LRBA: variants seen among roughly 807,000 people sequenced by gnomAD.
LRBA encodes the protein lipopolysaccharide-responsive and beige-like anchor protein.
LRBA carries 176 observed loss-of-function variants against 330.0 expected under a neutral mutation model. The ratio of observed to expected loss-of-function variants is 0.53; its 90% CI spans 0.47 to 0.60. The LOEUF is 0.60. LRBA is among the 20% of genes least tolerant of loss of function. LRBA has a pLI of 0.00. For missense variants in LRBA, 3,259 were observed against 3,444.8 expected (o/e 0.95, Z 1.35); for synonymous variants, 1,230 against 1,193.0 (o/e 1.03, Z -0.64).
At chr4:150,901,869 T>C (rs1171826389) in intron 13 of LRBA, among the ~76,000 whole-genome samples, 1 of 152,212 alleles carries the variant, frequency 6.6e-6, no homozygotes, top group East Asian at 1.9e-4. Context: ...AATCCACTTG[T>C]CATTGAGACA....
chr4:150,499,419 G>A (rs1054389262), intron 40 of LRBA, among the ~76,000 whole-genome samples: 2 of 152,076 alleles, frequency 1.3e-5, no homozygotes, highest in South Asian at 4.2e-4. Context: ...GAGGCAGGAG[G>A]ATCACTTGAG....
intron 17 of LRBA, among the ~76,000 whole-genome samples, chr4:150,888,747 G>A (rs1315479957): frequency 6.6e-6 from 1 of 151,966 alleles, no homozygotes; most frequent in Non-Finnish European, 1.5e-5. Flanking sequence ...GGGATAAATA[G>A]AAAACAAATA....
At chr4:150,424,627 A>G (rs1278153734) in intron 46 of LRBA, among the ~76,000 whole-genome samples, 2 of 146,776 alleles carry the variant, frequency 1.4e-5, no homozygotes, top group Non-Finnish European at 3.0e-5. Context: ...GCGTGCACAC[A>G]CGCACACACA....
chr4:150,573,779 C>A (rs1770184057), intron 40 of LRBA, among the ~76,000 whole-genome samples: 1 of 152,142 alleles, frequency 6.6e-6, no homozygotes, highest in African/African-American at 2.4e-5. Context: ...CTTGTCAGAT[C>A]TTCTGATGAA....
chr4:151,009,668 T>C (rs995811930), intron 2 of LRBA, among the ~76,000 whole-genome samples: 1 of 151,400 alleles, frequency 6.6e-6, no homozygotes, highest in African/African-American at 2.4e-5. Flanking sequence ...TGAGCTATGA[T>C]CAAGCCACTG....
At chr4:150,327,608 T>G in intron 48 of LRBA, among the ~76,000 whole-genome samples, 1 of 152,222 alleles carries the variant, frequency 6.6e-6, no homozygotes, top group East Asian at 1.9e-4. Flanking sequence ...ACTGTGACAC[T>G]TATCTGCTGT....
intron 40 of LRBA, chr4:150,581,531 T>C (rs1771332107): frequency 4.6e-6 from 1 of 218,778 alleles, no homozygotes; most frequent in African/African-American, 2.4e-5. Context: ...CTACACAATG[T>C]TGATAGAATC....
At position 150,908,762 on chromosome 4, in the gene LRBA, G is replaced by T; in HGVS notation, c.1257C>A (p.Phe419Leu). Residue 419 changes from phenylalanine to leucine, a missense_variant, in exon 10 of 57, where the codon TTC becomes TTA. Physicochemically the swap from Phe to Leu is conservative, Grantham distance 22 (BLOSUM62 0). Coordinates refer to ENST00000651943, the MANE Select transcript of LRBA (RefSeq NM_001364905.1). ...YDGKLSSAIA[F>L]TYNPRATDAQ... ...CATCTGTAGCCCGTGGATTGTACGT[G>T]AATGCAATGGCACTAGAGAGTTTCC... The T allele has an allele frequency of 6.2e-7, 1 of 1,613,620 alleles. No individual in the cohort carries two copies. Among genetic ancestry groups the T allele is most frequent in the Non-Finnish European group, 8.5e-7 (1 of 1,179,552 alleles).
chr4:150,852,059 G>T lies in LRBA; in HGVS notation c.3651C>A (p.Asn1217Lys). Residue 1217 changes from asparagine (N) to lysine (K), a missense_variant, in exon 23 of 57, where the codon AAC becomes AAA. By Grantham distance (94) the Asn-to-Lys change is moderately conservative (BLOSUM62 0). Coordinates refer to ENST00000651943, the MANE Select transcript of LRBA (RefSeq NM_001364905.1). The part of the protein sequence containing the change: ...QMLEEGKKAT[N>K]LTRETKLIND... ...TAATTAATTTGGTTTCTCTAGTGAG[G>T]TTAGTTGCTTTCTTCCCTTCCTCCA... The T allele has an allele frequency of 6.2e-7, 1 of 1,614,080 alleles. No individual in the cohort carries two copies. Among genetic ancestry groups the T allele is most frequent in the Non-Finnish European group, 8.5e-7 (1 of 1,179,998 alleles).
At position 150,672,563 on chromosome 4, in the gene LRBA, A is replaced by AT. The variant is rs1024076992; in HGVS notation, c.5921+10987dup. 5.9e-5 allele frequency among the ~76,000 whole-genome samples: 9 copies of AT among 151,852 alleles called. No individual in the cohort carries two copies. The South Asian group carries it at 6.2e-4, about 11-fold the overall frequency. On this transcript the variant is annotated intron_variant, in intron 37 of 56. Coordinates refer to ENST00000651943, the MANE Select transcript of LRBA (RefSeq NM_001364905.1). Reference sequence around the variant, plus strand: ...TAGTATTCTAAAGTTATTATAATTTATTTTTTTTAATTTTTTGATAATAAA... The same window carrying AT: ...TAGTATTCTAAAGTTATTATAATTTATTTTTTTTTAATTTTTTGATAATAAA...
chr4:150,923,155 T>C (rs956636299), intron 4 of LRBA, among the ~76,000 whole-genome samples: 1 of 147,594 alleles, frequency 6.8e-6, no homozygotes, highest in African/African-American at 2.5e-5. Flanking sequence ...GTATACTGAA[T>C]GCATATCACT....
At chr4:150,718,233 T>A (rs868217498) in intron 36 of LRBA, among the ~76,000 whole-genome samples, 1 of 152,192 alleles carries the variant, frequency 6.6e-6, no homozygotes. Flanking sequence ...ATGATAAGCA[T>A]GCAATGAACT....
chr4:150,490,890 G>T, intron 41 of LRBA, 28 bp downstream of exon 41: 1 of 1,334,952 alleles, frequency 7.5e-7, no homozygotes, highest in Non-Finnish European at 1.1e-6. Flanking sequence ...AGTTAGCTCT[G>T]TAACAACGTA....
At chr4:150,841,526 G>A (rs1262131722) in intron 28 of LRBA, among the ~76,000 whole-genome samples, 1 of 152,126 alleles carries the variant, frequency 6.6e-6, no homozygotes. Flanking sequence ...CATATAGTAT[G>A]TAAAAAAGCA....
chr4:150,400,444 C>G (rs1190410691), intron 47 of LRBA, among the ~76,000 whole-genome samples: 1 of 151,984 alleles, frequency 6.6e-6, no homozygotes, highest in African/African-American at 2.4e-5. Context: ...ACTTTTAAAA[C>G]GAATTTGAGT....
At chr4:150,701,306 T>C (rs1051744784) in intron 36 of LRBA, among the ~76,000 whole-genome samples, 4 of 152,216 alleles carry the variant, frequency 2.6e-5, no homozygotes, top group Admixed American at 6.5e-5. Flanking sequence ...GTTAACATTT[T>C]TTTTTAATAA....
At chr4:150,473,912 T>A (rs766183546) in intron 42 of LRBA, among the ~76,000 whole-genome samples, 1 of 152,222 alleles carries the variant, frequency 6.6e-6, no homozygotes, top group Non-Finnish European at 1.5e-5. Flanking sequence ...AAATGTTGTA[T>A]CAGTCTGTGG....
chr4:150,510,956 A>G (rs1013832289), intron 40 of LRBA, among the ~76,000 whole-genome samples: 1 of 152,052 alleles, frequency 6.6e-6, no homozygotes, highest in Non-Finnish European at 1.5e-5. Context: ...CCCGGGTTCA[A>G]GCGATTCTCC....
intron 2 of LRBA, among the ~76,000 whole-genome samples, chr4:150,971,046 T>C (rs1004930552): frequency 6.6e-6 from 1 of 152,168 alleles, no homozygotes; most frequent in Non-Finnish European, 1.5e-5. Context: ...TGCAAGATAC[T>C]GCCTCTCAAA....
Sources: gnomAD v4.1 joint callset for allele counts (sites outside exome capture counted in the v4.1 genomes callset) on GRCh38, gnomAD v4.1.1 for gene constraint, MANE v1.5 for transcripts, NCBI Gene and HGNC (gene_info 2026-07-23, HGNC 2026-07-21) for gene names.